The following MORC2 variants were observed in gnomAD, a reference collection of about 807,000 sequenced individuals.
The protein encoded by MORC2 is ATPase MORC2.
In MORC2, 30 loss-of-function variants were observed where a neutral mutation model predicts 136.0. The observed-to-expected ratio is 0.22, with a 90% CI of 0.17 to 0.30. The LOEUF (loss-of-function observed/expected upper bound fraction) is 0.30, where lower values mean the gene tolerates loss of function less well. MORC2 is among the 10% of genes least tolerant of loss of function. MORC2 has a pLI of 1.00. For missense variants in MORC2, 922 were observed against 1,333.1 expected, an observed-to-expected ratio of 0.69 and a Z score of 4.80; for synonymous variants, 439 against 487.0, an observed-to-expected ratio of 0.90 and a Z score of 1.30.
At chr22:30,949,342 C>T (rs1194526656) in intron 5 of MORC2, among the ~76,000 whole-genome samples, 1 of 152,210 alleles carries the variant, frequency 6.6e-6, no homozygotes, top group Middle Eastern at 3.2e-3. Context: ...CAGTGCCTGG[C>T]ACAAAGCATG....
chr22:30,946,566 C>T lies in MORC2; in HGVS notation c.318-117G>A, dbSNP rs902298217. Reference sequence around the variant, plus strand: ...GCCACTGGAGGGCTCTCCTAAAGGCCCCCCCAGGTCCCAGGACTGTGTGCT... The same window carrying T: ...GCCACTGGAGGGCTCTCCTAAAGGCTCCCCCAGGTCCCAGGACTGTGTGCT... On this transcript the variant is annotated intron_variant, in intron 5 of 25. Transcript: ENST00000397641. 1.0e-5 allele frequency: 8 copies of T among 786,512 alleles called. No individual in the cohort carries two copies. The African/African-American group carries it at 1.0e-4, about 10-fold the overall frequency. 48.7% of individuals were successfully genotyped at this position (786,512 alleles called of 1,614,324 possible).
intron 5 of MORC2, among the ~76,000 whole-genome samples, chr22:30,949,127 T>C (rs1423032848): frequency 6.6e-6 from 1 of 152,220 alleles, no homozygotes; most frequent in Non-Finnish European, 1.5e-5. Flanking sequence ...GAAGTGAGCA[T>C]TTCAGAAATA....
intron 4 of MORC2, among the ~76,000 whole-genome samples, 181 bp from the exon 5 acceptor site, chr22:30,950,023 C>G (rs766009466): frequency 2.6e-5 from 4 of 152,212 alleles, no homozygotes; most frequent in Non-Finnish European, 5.9e-5. Context: ...CTGTTGGTAC[C>G]TCTATCACTG....
intron 5 of MORC2, 65 bp from the exon 6 acceptor site, chr22:30,946,514 C>G: frequency 7.1e-7 from 1 of 1,403,656 alleles, no homozygotes. Flanking sequence ...CAAAAGAAAT[C>G]AATCCACTCT....
At chr22:30,950,501 T>A in intron 3 of MORC2, 56 bp from the exon 4 acceptor site, 2 of 1,542,268 alleles carry the variant, frequency 1.3e-6, no homozygotes, top group Non-Finnish European at 1.8e-6. Flanking sequence ...GGTGGCAACA[T>A]GCCTATGATC....
At chr22:30,960,042 A>G (rs544437399) in intron 1 of MORC2, among the ~76,000 whole-genome samples, 11 of 152,312 alleles carry the variant, frequency 7.2e-5, no homozygotes, top group Non-Finnish European at 1.3e-4. Context: ...ATCTTGGCTC[A>G]CTGCAACCTC....
intron 1 of MORC2, among the ~76,000 whole-genome samples, chr22:30,962,178 C>T (rs1327628932): frequency 6.6e-6 from 1 of 150,794 alleles, no homozygotes; most frequent in African/African-American, 2.4e-5. Flanking sequence ...CCACTGTACT[C>T]CAGCCTGGAC....
chr22:30,946,281 C>T (rs1479273955), intron 6 of MORC2, 60 bp downstream of exon 6: 7 of 1,399,640 alleles, frequency 5.0e-6, no homozygotes, highest in Non-Finnish European at 9.9e-7. Flanking sequence ...CCTACGAAAA[C>T]CGCCTGGGCA....
In MORC2 at chr22:30,934,260, T is replaced by G. The variant is rs2040620764; in HGVS notation, c.2194-69A>C. The G allele has an allele frequency of 4.4e-6, 7 of 1,602,354 alleles. No individual in the cohort carries two copies. The highest frequency in any genetic ancestry group is 6.0e-6 in the Non-Finnish European group (7 of 1,173,380). Reference sequence around the variant, plus strand: ...CTCTAAGGAGCAGGAAGATTTCATCTAGCCTAAAGGAGTCGTTCCAAGAGG... The same window carrying G: ...CTCTAAGGAGCAGGAAGATTTCATCGAGCCTAAAGGAGTCGTTCCAAGAGG... On this transcript the variant is annotated intron_variant, in intron 19 of 25. Coordinates refer to ENST00000397641, the MANE Select transcript of MORC2 (RefSeq NM_001303256.3). The surrounding 1 kb of genome is among the most constrained non-coding windows in gnomAD (Gnocchi z 4.4).
chr22:30,929,119 A>G (rs1270529860), intron 24 of MORC2, among the ~76,000 whole-genome samples: 2 of 152,254 alleles, frequency 1.3e-5, no homozygotes, highest in South Asian at 2.1e-4. Flanking sequence ...ACCTTATCCT[A>G]CTAAACCAAG....
intron 2 of MORC2, among the ~76,000 whole-genome samples, chr22:30,957,475 T>C (rs1314703637): frequency 6.6e-6 from 1 of 152,194 alleles, no homozygotes; most frequent in Non-Finnish European, 1.5e-5. Flanking sequence ...GTTTCACTGG[T>C]TTTACATGCA....
At position 30,968,433 on chromosome 22, in the gene MORC2, T is replaced by G. The variant is rs778267355; in HGVS notation, c.-544A>C. 2 of 152,918 alleles carry G rather than the reference T, an allele frequency of 1.3e-5. No homozygotes were observed. The highest frequency in any genetic ancestry group is 2.4e-5 in the African/African-American group (1 of 41,450). The allele number at this position is 152,918 out of a possible 1,614,324, so 9.5% of individuals were successfully genotyped here. ...ACCAAGATGTCGACGGAGTGTTATA[T>G]GGCGCAAGTTGCAGCTTCACCACCT... On this transcript the variant is annotated 5_prime_UTR_variant, in exon 1 of 26. Transcript: ENST00000397641.
At chr22:30,966,882 G>T (rs925641249) in intron 1 of MORC2, among the ~76,000 whole-genome samples, 2 of 152,280 alleles carry the variant, frequency 1.3e-5, no homozygotes, top group Admixed American at 6.5e-5. Flanking sequence ...AGGAAAAATA[G>T]AAATATTACA....
intron 24 of MORC2, among the ~76,000 whole-genome samples, chr22:30,928,906 CAT>C (rs1270442182): frequency 1.3e-5 from 2 of 152,178 alleles, no homozygotes; most frequent in Non-Finnish European, 2.9e-5. Context: ...AAATTTATAA[CAT>C]GACTTACTCG....
chr22:30,950,522 T>G (rs1364204897), intron 3 of MORC2, 77 bp from the exon 4 acceptor site: 1 of 1,422,778 alleles, frequency 7.0e-7, no homozygotes, highest in Non-Finnish European at 9.9e-7. Context: ...AGAAGGCAGA[T>G]CAATGTGAAG....
Position 30,945,367 on chromosome 22 carries a change from AG to A in MORC2, c.426+973del, listed in dbSNP as rs555222178. Among the ~76,000 whole-genome samples the A allele has an allele frequency of 1.2e-4, 18 of 152,364 alleles. 2 individuals carry two copies. In the South Asian group the frequency reaches 3.7e-3, roughly 32 times the overall value. On this transcript the variant is annotated intron_variant, in intron 6 of 25. Transcript: ENST00000397641. ...TACCTGAACAAGTTTGCTATGATTA[AG>A]GCTCAGATCTAAACAGAACCAGAAC...
At chr22:30,933,401 G>C in intron 21 of MORC2, 65 bp downstream of exon 21, 1 of 1,558,494 alleles carries the variant, frequency 6.4e-7, no homozygotes, top group Non-Finnish European at 8.8e-7. Flanking sequence ...CTGCTGGTAA[G>C]GGGCTCCACT....
chr22:30,967,973 A>G lies in MORC2; in HGVS notation c.-84T>C, dbSNP rs2041154774. 2 of 1,244,746 alleles carry G rather than the reference A, an allele frequency of 1.6e-6. No individual in the cohort carries two copies. Among genetic ancestry groups the G allele is most frequent in the South Asian group, 2.6e-5 (2 of 77,264 alleles). The allele number at this position is 1,244,746 out of a possible 1,614,324, so 77.1% of individuals were successfully genotyped here. A position where few individuals can be genotyped will look rare whatever the true frequency, so the allele number is the denominator to read the frequency against. On this transcript the variant is annotated 5_prime_UTR_variant, in exon 1 of 26. Coordinates refer to ENST00000397641, the MANE Select transcript of MORC2 (RefSeq NM_001303256.3). ...ATATCGATTTCCCAGGATTCTGTCC[A>G]GTAAAGCTTCAGTAAGTCTGTGCTC...
In MORC2 at chr22:30,937,255, C is replaced by T. The variant is rs919485328; in HGVS notation, c.1499-218G>A. Among the ~76,000 whole-genome samples the T allele has an allele frequency of 1.3e-5, 2 of 152,178 alleles. No individual in the cohort carries two copies. The highest frequency in any genetic ancestry group is 1.3e-4 in the Admixed American group (2 of 15,272). On this transcript the variant is annotated intron_variant, in intron 15 of 25. Coordinates refer to ENST00000397641, the MANE Select transcript of MORC2 (RefSeq NM_001303256.3). This position sits in a 1 kb window ranked among gnomAD's most constrained non-coding sequence, Gnocchi z 4.7. ...TTAATATGCTGGACTCTTAACACCC[C>T]CAGCCCCTCTCCCTTTTTTATCAAG...
Sources: allele counts gnomAD v4.1 joint callset (sites outside exome capture counted in the v4.1 genomes callset), GRCh38; gene constraint gnomAD v4.1.1; non-coding constraint Gnocchi (gnomAD v3.1); transcripts MANE v1.5; gene names NCBI Gene and HGNC (gene_info 2026-07-23, HGNC 2026-07-21).